Variants in ASIC2 observed in about 807,000 individuals in gnomAD.
ASIC2 encodes the protein acid-sensing ion channel 2.
Under a neutral mutation model 57.3 loss-of-function variants are expected in ASIC2, and 25 were observed. That is an observed-to-expected ratio of 0.44 (90% CI 0.32 to 0.61). The LOEUF (loss-of-function observed/expected upper bound fraction) is 0.61, where lower values mean the gene tolerates loss of function less well. ASIC2 is among the 20% of genes least tolerant of loss of function. The probability of loss-of-function intolerance (pLI) is 0.06; values close to 1 mark genes in which losing one functional copy is unlikely to be tolerated. For synonymous variants in ASIC2, 319 were observed against 307.5 expected (o/e 1.04, Z -0.39); for missense variants, 641 against 738.1 (o/e 0.87, Z 1.52).
chr17:33,306,693 A>G (rs1256850030), intron 1 of ASIC2, among the ~76,000 whole-genome samples: 2 of 152,068 alleles, frequency 1.3e-5, no homozygotes, highest in Admixed American at 1.3e-4. Flanking sequence ...CTCTGTTATT[A>G]TAGCTCTTAA....
intron 1 of ASIC2, among the ~76,000 whole-genome samples, chr17:33,442,159 G>A (rs181564621): frequency 2.2e-4 from 33 of 152,186 alleles, no homozygotes; most frequent in East Asian, 5.8e-4. Context: ...TGTCATTACC[G>A]TACTTTCTTG....
chr17:33,759,931 G>A (rs991376800), intron 1 of ASIC2, among the ~76,000 whole-genome samples: 8 of 152,228 alleles, frequency 5.3e-5, no homozygotes, highest in East Asian at 1.9e-4. Context: ...TCCCCACTAG[G>A]GTAATGCCTA....
chr17:33,671,421 C>G (rs1907636527), intron 1 of ASIC2, among the ~76,000 whole-genome samples: 2 of 152,196 alleles, frequency 1.3e-5, no homozygotes, highest in South Asian at 2.1e-4. Context: ...TAGCTCTGCC[C>G]CACAACCATG....
intron 1 of ASIC2, among the ~76,000 whole-genome samples, chr17:33,776,404 C>T (rs1447610352): frequency 6.6e-6 from 1 of 152,220 alleles, no homozygotes; most frequent in East Asian, 1.9e-4. Context: ...ACTCTGCTGG[C>T]ATCTTGGTCT....
intron 5 of ASIC2, 33 bp from the exon 6 acceptor site, chr17:33,024,047 G>A (rs779668209): frequency 6.2e-7 from 1 of 1,612,776 alleles, no homozygotes; most frequent in Non-Finnish European, 8.5e-7. Context: ...GCTTAGTCAG[G>A]TGTGGGCACT....
intron 1 of ASIC2, among the ~76,000 whole-genome samples, chr17:33,885,827 T>C (rs956296586): frequency 5.3e-5 from 8 of 152,234 alleles, no homozygotes; most frequent in South Asian, 2.1e-4. Context: ...ATCTCAATTA[T>C]AGACCTGTTC....
chr17:33,362,270 A>G (rs534389229), intron 1 of ASIC2, among the ~76,000 whole-genome samples: 4 of 152,060 alleles, frequency 2.6e-5, no homozygotes, highest in Admixed American at 6.6e-5. Context: ...TTTGCTTGAA[A>G]TTATAGGGTT....
At chr17:33,604,186 A>G (rs1318937832) in intron 1 of ASIC2, among the ~76,000 whole-genome samples, 1 of 152,242 alleles carries the variant, frequency 6.6e-6, no homozygotes, top group African/African-American at 2.4e-5. Flanking sequence ...GCCCCCAGGC[A>G]TGCAAAAAAT....
At chr17:33,447,912 C>CAAAAAAAAA (rs34092157) in intron 1 of ASIC2, among the ~76,000 whole-genome samples, 2 of 73,082 alleles carry the variant, frequency 2.7e-5, no homozygotes, top group East Asian at 3.4e-4. Context: ...GACTCAGTCT[C>CAAAAAAAAA]AAAAAAAAAA....
intron 1 of ASIC2, among the ~76,000 whole-genome samples, chr17:33,727,461 A>G (rs1447925122): frequency 6.6e-6 from 1 of 152,104 alleles, no homozygotes; most frequent in African/African-American, 2.4e-5. Flanking sequence ...CCTCATGTCA[A>G]ATTGTCATCC....
chr17:33,105,980 T>C (rs1254584583), intron 2 of ASIC2, among the ~76,000 whole-genome samples: 1 of 151,260 alleles, frequency 6.6e-6, no homozygotes, highest in Non-Finnish European at 1.5e-5. Context: ...GGATGAAGAG[T>C]AGGGGTGAGG....
chr17:34,100,184 GT>G (rs35700595), intron 1 of ASIC2, among the ~76,000 whole-genome samples: 2,665 of 130,600 alleles, frequency 0.02, 65 homozygotes, highest in East Asian at 0.066. Flanking sequence ...TCTCTTTCTT[GT>G]TTTTTTTTTT....
intron 1 of ASIC2, among the ~76,000 whole-genome samples, chr17:33,156,302 A>AT (rs1218642077): frequency 6.6e-6 from 1 of 151,412 alleles, no homozygotes; most frequent in African/African-American, 2.4e-5. Flanking sequence ...TAATTTTTGT[A>AT]TTTTTAGTAG....
chr17:33,899,573 G>T (rs947373002), intron 1 of ASIC2, among the ~76,000 whole-genome samples: 2 of 152,160 alleles, frequency 1.3e-5, no homozygotes, highest in Admixed American at 6.5e-5. Flanking sequence ...GACAGGACAA[G>T]GCTGGAGAGA....
chr17:33,986,471 G>A (rs1243882998), intron 1 of ASIC2, among the ~76,000 whole-genome samples: 2 of 152,036 alleles, frequency 1.3e-5, no homozygotes, highest in Non-Finnish European at 2.9e-5. Context: ...AACTCACTGA[G>A]AATCCAGCCT....
chr17:33,853,222 C>A (rs1214065232), intron 1 of ASIC2, among the ~76,000 whole-genome samples: 1 of 152,128 alleles, frequency 6.6e-6, no homozygotes, highest in Admixed American at 6.6e-5. Context: ...GTATTTACAT[C>A]CTAAGGAGGG....
chr17:33,987,755 T>G (rs972107738), intron 1 of ASIC2, among the ~76,000 whole-genome samples: 1 of 152,222 alleles, frequency 6.6e-6, no homozygotes, highest in African/African-American at 2.4e-5. Flanking sequence ...TAATGCCCAC[T>G]GACTTATCAT....
intron 1 of ASIC2, among the ~76,000 whole-genome samples, chr17:33,301,293 G>A (rs371363759): frequency 4.0e-5 from 6 of 151,270 alleles, no homozygotes; most frequent in Admixed American, 2.0e-4. Flanking sequence ...CTCCTGCCTC[G>A]ATCTCCCAAA....
intron 1 of ASIC2, among the ~76,000 whole-genome samples, chr17:33,823,974 G>A (rs1313415687): frequency 6.6e-6 from 1 of 152,142 alleles, no homozygotes; most frequent in Non-Finnish European, 1.5e-5. Flanking sequence ...GCTGCAGGGG[G>A]CTAAAACTGA....
Sources: allele counts gnomAD v4.1 joint callset (sites outside exome capture counted in the v4.1 genomes callset), GRCh38; gene constraint gnomAD v4.1.1; transcripts MANE v1.5; gene names NCBI Gene and HGNC (gene_info 2026-07-23, HGNC 2026-07-21).